LARGE1: variants seen among roughly 807,000 people sequenced by gnomAD.
LARGE1 encodes xylosyl- and glucuronyltransferase LARGE1.
In LARGE1, 43 loss-of-function variants were observed where a neutral mutation model predicts 87.6. The observed-to-expected ratio is 0.49, with a 90% CI of 0.38 to 0.63. LARGE1 has a LOEUF of 0.63. Among genes scored for constraint, LARGE1 ranks in the 30% least tolerant of loss-of-function variants. The pLI is 0.00. For synonymous variants in LARGE1, 434 were observed against 394.6 expected (o/e 1.10, Z -1.18); for missense variants, 802 against 1,000.2 (o/e 0.80, Z 2.67).
At chr22:33,428,071 A>G (rs1170809295) in intron 7 of LARGE1, among the ~76,000 whole-genome samples, 1 of 152,194 alleles carries the variant, frequency 6.6e-6, no homozygotes, top group Non-Finnish European at 1.5e-5. Context: ...ACACCTGGGG[A>G]AAGTAAAATA....
intron 2 of LARGE1, among the ~76,000 whole-genome samples, chr22:33,731,699 T>C (rs1197063262): frequency 6.6e-6 from 1 of 151,940 alleles, no homozygotes; most frequent in African/African-American, 2.4e-5. Context: ...GCTGGGAGGG[T>C]AGATTTATGT....
intron 1 of LARGE1, among the ~76,000 whole-genome samples, chr22:33,791,415 C>A (rs1050029776): frequency 1.3e-5 from 2 of 152,148 alleles, no homozygotes; most frequent in African/African-American, 4.8e-5. Flanking sequence ...CAAAGGGGAA[C>A]TGAGTCATAT....
chr22:33,898,993 G>A (rs992304894), intron 1 of LARGE1, among the ~76,000 whole-genome samples: 4 of 152,164 alleles, frequency 2.6e-5, no homozygotes, highest in African/African-American at 9.7e-5. Context: ...TATCAGAAGT[G>A]AACAGGACCA....
intron 1 of LARGE1, among the ~76,000 whole-genome samples, chr22:33,873,584 T>C (rs930589986): frequency 2.0e-5 from 3 of 152,100 alleles, no homozygotes; most frequent in Non-Finnish European, 2.9e-5. Context: ...CCCAGGAAGA[T>C]AGCATGTCAC....
intron 2 of LARGE1, among the ~76,000 whole-genome samples, chr22:33,702,749 G>C (rs1359443243): frequency 2.0e-5 from 3 of 152,126 alleles, no homozygotes; most frequent in Non-Finnish European, 4.4e-5. Context: ...TGTCCCCAAG[G>C]ACTACAGAGG....
intron 11 of LARGE1, among the ~76,000 whole-genome samples, chr22:33,187,958 A>AAAAAAAAAAAAAAAG (rs1568965475): frequency 9.3e-6 from 1 of 107,472 alleles, no homozygotes; most frequent in African/African-American, 3.5e-5. Context: ...AAAAAAAAAA[A>AAAAAAAAAAAAAAAG]AATCACTAAG....
At chr22:33,414,541 G>A (rs1001335003) in intron 7 of LARGE1, among the ~76,000 whole-genome samples, 12 of 152,148 alleles carry the variant, frequency 7.9e-5, no homozygotes, top group African/African-American at 2.9e-4. Context: ...ACTAGGATTG[G>A]CAACTCATGT....
At chr22:33,211,929 C>T (rs1308121423) in intron 11 of LARGE1, among the ~76,000 whole-genome samples, 1 of 152,178 alleles carries the variant, frequency 6.6e-6, no homozygotes, top group African/African-American at 2.4e-5. Flanking sequence ...GGGCAAGACC[C>T]TAACTCTCTT....
At chr22:33,581,354 T>A (rs1290990155) in intron 5 of LARGE1, among the ~76,000 whole-genome samples, 1 of 152,208 alleles carries the variant, frequency 6.6e-6, no homozygotes, top group Admixed American at 6.5e-5. Flanking sequence ...AAAATTCACA[T>A]TTTGATACCT....
At chr22:33,626,604 G>A (rs987286859) in intron 3 of LARGE1, among the ~76,000 whole-genome samples, 1 of 152,186 alleles carries the variant, frequency 6.6e-6, no homozygotes, top group African/African-American at 2.4e-5. Context: ...TAGGCAAACA[G>A]TGAGTCTCCT....
chr22:33,571,328 G>C (rs1377151315), intron 5 of LARGE1, among the ~76,000 whole-genome samples: 1 of 152,152 alleles, frequency 6.6e-6, no homozygotes, highest in African/African-American at 2.4e-5. Flanking sequence ...GCATCTATGA[G>C]GCGGTGTAAG....
At chr22:33,432,562 ATCATTCATTCAT>A (rs10626676) in intron 6 of LARGE1, among the ~76,000 whole-genome samples, 26 of 150,432 alleles carry the variant, frequency 1.7e-4, no homozygotes, top group Admixed American at 2.6e-4. Flanking sequence ...AGAATCCCAA[ATCATTCATTCAT>A]TCATTCATTC....
At chr22:33,274,749 G>A in intron 14 of LARGE1, 125 bp from the exon 15 acceptor site, 1 of 819,160 alleles carries the variant, frequency 1.2e-6, no homozygotes, top group East Asian at 2.6e-5. Context: ...CAAGCAGATG[G>A]CAAAGGACAG....
intron 11 of LARGE1, among the ~76,000 whole-genome samples, chr22:33,203,731 C>A (rs1223243826): frequency 6.6e-6 from 1 of 152,206 alleles, no homozygotes; most frequent in Non-Finnish European, 1.5e-5. Flanking sequence ...GCCGCTGCTA[C>A]CTCTTCCCAG....
intron 6 of LARGE1, among the ~76,000 whole-genome samples, chr22:33,466,988 G>A (rs985266757): frequency 2.0e-5 from 3 of 152,090 alleles, no homozygotes; most frequent in Non-Finnish European, 2.9e-5. Flanking sequence ...GTTGCAGTGA[G>A]CCAAGATCGT....
the LARGE1 span, among the ~76,000 whole-genome samples, chr22:33,148,993 G>A: frequency 6.0e-5 from 9 of 151,084 alleles, no homozygotes; most frequent in East Asian, 9.6e-4. Context: ...ATTTGATTCA[G>A]ACATATTTTT....
intron 2 of LARGE1, among the ~76,000 whole-genome samples, chr22:33,658,077 A>T (rs1555986868): frequency 1.3e-5 from 2 of 152,258 alleles, no homozygotes; most frequent in Non-Finnish European, 1.5e-5. Context: ...AATGTCTCCT[A>T]TTCAACACCC....
At chr22:33,392,084 C>G (rs1230139293) in intron 7 of LARGE1, among the ~76,000 whole-genome samples, 6 of 151,902 alleles carry the variant, frequency 3.9e-5, no homozygotes, top group Admixed American at 3.9e-4. Flanking sequence ...CAGGTTATTC[C>G]TATAACCAAT....
At chr22:33,413,324 C>A (rs2066377331) in intron 7 of LARGE1, among the ~76,000 whole-genome samples, 1 of 152,034 alleles carries the variant, frequency 6.6e-6, no homozygotes, top group Admixed American at 6.6e-5. Context: ...CAAAAAGAGC[C>A]ACAGTTTATT....
Sources: allele counts gnomAD v4.1 joint callset (sites outside exome capture counted in the v4.1 genomes callset), GRCh38; gene constraint gnomAD v4.1.1; transcripts MANE v1.5; gene names NCBI Gene and HGNC (gene_info 2026-07-23, HGNC 2026-07-21).